Variants in NEXMIF observed in about 807,000 individuals in gnomAD.
The protein encoded by NEXMIF is XLMR protein related to neurite extension.
NEXMIF carries 8 observed loss-of-function variants against 62.1 expected under a neutral mutation model. The ratio of observed to expected loss-of-function variants is 0.13; its 90% confidence interval spans 0.08 to 0.23. The LOEUF (loss-of-function observed/expected upper bound fraction) is 0.23. Among genes scored for constraint, NEXMIF ranks in the 10% least tolerant of loss-of-function variants. The pLI is 1.00. For missense variants in NEXMIF, 976 were observed against 1,113.3 expected, an observed-to-expected ratio of 0.88 and a Z score of 1.75; for synonymous variants, 404 against 416.6, an observed-to-expected ratio of 0.97 and a Z score of 0.37.
chrX:74,911,701 T>C (rs915465255), intron 1 of NEXMIF, among the ~76,000 whole-genome samples: 2 of 112,685 alleles, frequency 1.8e-5, no homozygotes, highest in African/African-American at 3.2e-5. Flanking sequence ...TCAAACGACA[T>C]AGATGTGAAA....
intron 1 of NEXMIF, among the ~76,000 whole-genome samples, chrX:74,888,065 C>G (rs966122498): frequency 1.8e-5 from 2 of 109,759 alleles, no homozygotes; most frequent in African/African-American, 6.7e-5. Flanking sequence ...GGCATGTTCT[C>G]ACTCATAGGT....
intron 1 of NEXMIF, among the ~76,000 whole-genome samples, chrX:74,818,705 T>G (rs2080384303): frequency 8.9e-6 from 1 of 111,987 alleles, no homozygotes; most frequent in African/African-American, 3.2e-5. Flanking sequence ...ATTTGCAAAC[T>G]ATGCATCTGA....
intron 1 of NEXMIF, among the ~76,000 whole-genome samples, chrX:74,822,956 G>A (rs1185510530): frequency 9.0e-6 from 1 of 111,581 alleles, no homozygotes; most frequent in Non-Finnish European, 1.9e-5. Flanking sequence ...AAACCTAAAT[G>A]TTCCTCACAT....
chrX:74,887,287 A>T (rs2147362957), intron 1 of NEXMIF, among the ~76,000 whole-genome samples: 1 of 111,273 alleles, frequency 9.0e-6, no homozygotes, highest in East Asian at 3.0e-4. Context: ...AGCAAAAGCC[A>T]AAATTGACAA....
chrX:74,876,871 G>A (rs1399716030), intron 1 of NEXMIF, among the ~76,000 whole-genome samples: 1 of 108,327 alleles, frequency 9.2e-6, no homozygotes, highest in Non-Finnish European at 1.9e-5. Flanking sequence ...CTTTTATTTT[G>A]AGCCTATGTG....
chrX:74,885,176 T>G (rs912477068), intron 1 of NEXMIF, among the ~76,000 whole-genome samples: 2 of 110,965 alleles, frequency 1.8e-5, no homozygotes, highest in Admixed American at 9.6e-5. Context: ...TAGCACTAAA[T>G]GCCCACAAGA....
chrX:74,761,481 T>G (rs1602219471), intron 1 of NEXMIF, among the ~76,000 whole-genome samples: 1 of 111,639 alleles, frequency 9.0e-6, no homozygotes. Flanking sequence ...TTTATCCATC[T>G]CTTCTAGGTT....
chrX:74,838,438 A>AT (rs1184444682), intron 1 of NEXMIF, among the ~76,000 whole-genome samples: 2 of 112,499 alleles, frequency 1.8e-5, no homozygotes, highest in African/African-American at 3.2e-5. Flanking sequence ...ATTAAATTTG[A>AT]TTTTTTAAAT....
intron 1 of NEXMIF, among the ~76,000 whole-genome samples, chrX:74,837,883 C>T (rs2080462310): frequency 8.9e-6 from 1 of 111,792 alleles, no homozygotes; most frequent in Non-Finnish European, 1.9e-5. Context: ...ATGAGAAAGG[C>T]GCAGTGATTT....
chrX:74,908,767 T>C lies in NEXMIF; in HGVS notation c.-48+16116A>G, dbSNP rs774697821. ...GGCTCTGTGTCCCCACCAAATCTCA[T>C]CTTGAATTATACTCCCATAATTCCC... On this transcript the variant is annotated intron_variant, in intron 1 of 3. Transcript: ENST00000055682. Among the ~76,000 whole-genome samples the C allele has an allele frequency of 2.7e-5, 3 of 112,341 alleles. No homozygotes were observed. The South Asian group carries it at 1.1e-3, about 42-fold the overall frequency.
intron 1 of NEXMIF, among the ~76,000 whole-genome samples, chrX:74,839,098 A>G (rs1205910117): frequency 8.9e-6 from 1 of 111,825 alleles, no homozygotes; most frequent in Non-Finnish European, 1.9e-5. Flanking sequence ...AATCATTACA[A>G]ATCACTCTTT....
intron 1 of NEXMIF, among the ~76,000 whole-genome samples, chrX:74,785,220 AC>A (rs1476693767): frequency 9.0e-6 from 1 of 111,463 alleles, no homozygotes; most frequent in African/African-American, 3.3e-5. Context: ...ATTGGGGGCC[AC>A]CAGTACATTG....
intron 1 of NEXMIF, among the ~76,000 whole-genome samples, chrX:74,898,083 C>T (rs1485769605): frequency 9.0e-6 from 1 of 111,685 alleles, no homozygotes; most frequent in Non-Finnish European, 1.9e-5. Context: ...CATAACTCCC[C>T]AGTCTTAAAG....
chrX:74,818,408 C>A (rs898738275), intron 1 of NEXMIF, among the ~76,000 whole-genome samples: 2 of 112,016 alleles, frequency 1.8e-5, no homozygotes, highest in African/African-American at 6.5e-5. Flanking sequence ...GATGGGATAA[C>A]TGGCTAGCCA....
At chrX:74,754,253 T>G (rs979813756) in intron 1 of NEXMIF, among the ~76,000 whole-genome samples, 4 of 108,787 alleles carry the variant, frequency 3.7e-5, no homozygotes, top group African/African-American at 1.3e-4. Flanking sequence ...TGAGCCACTG[T>G]GCCTGGCCCA....
At chrX:74,852,784 A>C (rs1459632575) in intron 1 of NEXMIF, among the ~76,000 whole-genome samples, 1 of 111,802 alleles carries the variant, frequency 8.9e-6, no homozygotes, top group Non-Finnish European at 1.9e-5. Context: ...CAAAACTTAC[A>C]GGACACACAA....
At chrX:74,895,720 G>A (rs2080730800) in intron 1 of NEXMIF, among the ~76,000 whole-genome samples, 1 of 109,997 alleles carries the variant, frequency 9.1e-6, no homozygotes, top group African/African-American at 3.3e-5. Flanking sequence ...ACTTATTTGT[G>A]GGATTTAAAA....
intron 1 of NEXMIF, among the ~76,000 whole-genome samples, chrX:74,878,879 G>A (rs762923240): frequency 9.8e-5 from 11 of 112,264 alleles, no homozygotes; most frequent in Middle Eastern, 4.7e-3. Flanking sequence ...ACTGACCTGC[G>A]CCCACTGTCT....
At chrX:74,754,033 C>T (rs746305734) in intron 1 of NEXMIF, among the ~76,000 whole-genome samples, 1 of 111,706 alleles carries the variant, frequency 9.0e-6, no homozygotes, top group East Asian at 2.8e-4. Flanking sequence ...GTGATCTCAG[C>T]TCACTGCAAC....
Sources: gnomAD v4.1 joint callset for allele counts (sites outside exome capture counted in the v4.1 genomes callset) on GRCh38, gnomAD v4.1.1 for gene constraint, MANE v1.5 for transcripts, NCBI Gene and HGNC (gene_info 2026-07-23, HGNC 2026-07-21) for gene names.